ZNF331: variants seen among roughly 807,000 people sequenced by gnomAD.
ZNF331 encodes C2H2-like zinc finger protein rearranged in thyroid adenomas.
A neutral mutation model predicts 7.0 loss-of-function variants in ZNF331; 2 were observed. That is an observed-to-expected ratio of 0.29 (90% CI 0.12 to 0.90). ZNF331 has a LOEUF of 0.90. Among genes scored for constraint, ZNF331 ranks in the 40% least tolerant of loss-of-function variants. The probability of loss-of-function intolerance (pLI) is 0.58; values close to 1 mark genes in which losing one functional copy is unlikely to be tolerated. For missense variants in ZNF331, 432 were observed against 587.7 expected, an observed-to-expected ratio of 0.74 and a Z score of 2.74; for synonymous variants, 196 against 205.4, an observed-to-expected ratio of 0.95 and a Z score of 0.39.
At chr19:53,569,008 C>G (rs549099251) in intron 3 of ZNF331, among the ~76,000 whole-genome samples, 2 of 152,038 alleles carry the variant, frequency 1.3e-5, no homozygotes, top group Non-Finnish European at 2.9e-5. Context: ...AGGCACGTGC[C>G]ACCACATCCG....
rs189948960 is a variant in ZNF331 at position 53,569,328 on chromosome 19, C to T, written c.-49C>T. On this transcript the variant is annotated 5_prime_UTR_variant, in exon 4 of 6. Transcript: ENST00000449416. ...GCTCTAGCCTCTCGGAATTTGTCTT[C>T]TTCAGTGGAAACCCCGAGAAGACTG... is the stretch of plus-strand genomic sequence containing the variant. 1.3e-5 allele frequency: 21 copies of T among 1,610,474 alleles called. No homozygotes were observed. In the African/African-American group the frequency reaches 2.3e-4, roughly 17 times the overall value.
chr19:53,527,423 T>C (rs2087348222), intron 2 of ZNF331, among the ~76,000 whole-genome samples: 2 of 152,178 alleles, frequency 1.3e-5, no homozygotes, highest in African/African-American at 4.8e-5. Flanking sequence ...ACTGAAGTTA[T>C]TAATCAGCTA....
In ZNF331 at chr19:53,571,821, G is replaced by A; in HGVS notation, c.136+91G>A. ...AGGACCGCCTTTCAAGAAACTAGTT[G>A]AATTTCTTCTTCCTGTCCCCAAGGA... On this transcript the variant is annotated intron_variant, in intron 5 of 5. Coordinates refer to ENST00000449416, the MANE Select transcript of ZNF331 (RefSeq NM_001079906.2). This position sits in a 1 kb window ranked among gnomAD's most constrained non-coding sequence, Gnocchi z 4.7. 3 of 1,481,140 alleles carry A rather than the reference G, an allele frequency of 2.0e-6. No individual in the cohort carries two copies. The highest frequency in any genetic ancestry group is 1.8e-4 in the Middle Eastern group (1 of 5,528). The allele number at this position is 1,481,140 out of a possible 1,614,324, so 91.7% of individuals were successfully genotyped here. A position where few individuals can be genotyped will look rare whatever the true frequency, so the allele number is the denominator to read the frequency against.
intron 2 of ZNF331, among the ~76,000 whole-genome samples, chr19:53,540,545 G>C (rs562899223): frequency 6.6e-6 from 1 of 152,042 alleles, no homozygotes; most frequent in South Asian, 2.1e-4. Flanking sequence ...TGATTCTCCC[G>C]CCTCAGCCTC....
intron 2 of ZNF331, among the ~76,000 whole-genome samples, chr19:53,526,489 G>C (rs570139789): frequency 6.6e-6 from 1 of 152,172 alleles, no homozygotes; most frequent in South Asian, 2.1e-4. Flanking sequence ...AATCTTGATA[G>C]ATTATATATT....
chr19:53,575,776 C>T (rs1018663459), intron 5 of ZNF331, among the ~76,000 whole-genome samples: 4 of 151,928 alleles, frequency 2.6e-5, no homozygotes, highest in African/African-American at 4.8e-5. Context: ...TTCTGCCTCC[C>T]GGGTTCAAGC....
At chr19:53,505,821 TTAA>T in the ZNF331 span, among the ~76,000 whole-genome samples, 1 of 145,134 alleles carries the variant, frequency 6.9e-6, no homozygotes, top group African/African-American at 2.6e-5. Flanking sequence ...CCCCTCTCTA[TTAA>T]AAATACAAAA....
chr19:53,513,197 G>A, the ZNF331 span, among the ~76,000 whole-genome samples: 38 of 151,844 alleles, frequency 2.5e-4, no homozygotes, highest in Non-Finnish European at 4.6e-4. Flanking sequence ...CTGTCTCACA[G>A]TGTGTTTATC....
chr19:53,572,167 A>G (rs1600490749), intron 5 of ZNF331, among the ~76,000 whole-genome samples: 1 of 152,262 alleles, frequency 6.6e-6, no homozygotes, highest in African/African-American at 2.4e-5. Context: ...AGATCAGACA[A>G]ACAGAATTTG....
chr19:53,506,492 C>G, the ZNF331 span, among the ~76,000 whole-genome samples: 63 of 144,066 alleles, frequency 4.4e-4, no homozygotes, highest in African/African-American at 1.4e-3. Flanking sequence ...GTCTGTCTCT[C>G]TCTCTCTCTC....
intron 2 of ZNF331, among the ~76,000 whole-genome samples, chr19:53,551,597 C>A (rs1014203039): frequency 6.6e-6 from 1 of 152,008 alleles, no homozygotes; most frequent in Non-Finnish European, 1.5e-5. Flanking sequence ...ATATAGTGCA[C>A]CCTTGGAATG....
At position 53,543,819 on chromosome 19, in the gene ZNF331, G is replaced by C. The variant is rs567925663; in HGVS notation, c.-138+4537G>C. Among the ~76,000 whole-genome samples, 3 of 152,306 alleles carry C rather than the reference G, an allele frequency of 2.0e-5. No individual in the cohort carries two copies. The East Asian group carries it at 5.8e-4, about 29-fold the overall frequency. ...CTATGAGGCTAACTGCCAGGGTTCAGATTCACATCTCTAAAGTCAGACCAC... is the reference window on the plus strand; with the variant it reads ...CTATGAGGCTAACTGCCAGGGTTCACATTCACATCTCTAAAGTCAGACCAC... On this transcript the variant is annotated intron_variant, in intron 2 of 5. Transcript: ENST00000449416.
chr19:53,554,136 G>T (rs916414614), intron 2 of ZNF331, among the ~76,000 whole-genome samples: 1 of 152,140 alleles, frequency 6.6e-6, no homozygotes, highest in African/African-American at 2.4e-5. Context: ...TAGGGCATTC[G>T]CTTCCTAGGA....
rs2090814065 is a variant in ZNF331, at chr19:53,578,411, T to C, written c.*459T>C. 1 of 233,828 alleles carries C rather than the reference T, an allele frequency of 4.3e-6. No individual in the cohort carries two copies. The highest frequency in any genetic ancestry group is 2.2e-5 in the African/African-American group (1 of 45,062). The allele number at this position is 233,828 out of a possible 1,614,324, so 14.5% of individuals were successfully genotyped here. A position where few individuals can be genotyped will look rare whatever the true frequency, so the allele number is the denominator to read the frequency against. On this transcript the variant is annotated 3_prime_UTR_variant, in exon 6 of 6. Coordinates refer to ENST00000449416, the MANE Select transcript of ZNF331 (RefSeq NM_001079906.2). ...TAAAAAAGAAAAGAAAAAAATCATATACTGAGGTTGCTAAGATCTACATGA... is the reference window on the plus strand; with the variant it reads ...TAAAAAAGAAAAGAAAAAAATCATACACTGAGGTTGCTAAGATCTACATGA...
chr19:53,509,842 G>A, the ZNF331 span, among the ~76,000 whole-genome samples: 127 of 152,344 alleles, frequency 8.3e-4, 2 homozygotes, highest in Middle Eastern at 6.8e-3. Flanking sequence ...CTGAATCACA[G>A]TTCCACATGG....
At chr19:53,565,169 A>C (rs1478797668) in intron 3 of ZNF331, among the ~76,000 whole-genome samples, 2 of 152,172 alleles carry the variant, frequency 1.3e-5, no homozygotes, top group African/African-American at 2.4e-5. Flanking sequence ...TAAATAGAAG[A>C]AGCTCAAGGC....
chr19:53,552,158 C>A (rs1170106276), intron 2 of ZNF331, among the ~76,000 whole-genome samples: 1 of 152,134 alleles, frequency 6.6e-6, no homozygotes, highest in Non-Finnish European at 1.5e-5. Context: ...ACACATGGAA[C>A]ACATGATTCA....
At chr19:53,570,775 G>A (rs1006230496) in intron 4 of ZNF331, among the ~76,000 whole-genome samples, 10 of 151,588 alleles carry the variant, frequency 6.6e-5, no homozygotes, top group Non-Finnish European at 1.2e-4. Flanking sequence ...CAGGTGATCC[G>A]CCTGCCTCAG....
At chr19:53,565,629 C>T (rs2090117160) in intron 3 of ZNF331, among the ~76,000 whole-genome samples, 1 of 152,052 alleles carries the variant, frequency 6.6e-6, no homozygotes, top group Non-Finnish European at 1.5e-5. Context: ...TGGGTTCAAG[C>T]AATTCTTGTG....
Sources: allele counts gnomAD v4.1 joint callset (sites outside exome capture counted in the v4.1 genomes callset), GRCh38; gene constraint gnomAD v4.1.1; non-coding constraint Gnocchi (gnomAD v3.1); transcripts MANE v1.5; gene names NCBI Gene and HGNC (gene_info 2026-07-23, HGNC 2026-07-21).